The following BCL7B variants were observed in gnomAD, a reference collection of about 807,000 sequenced individuals.
BCL7B encodes BAF chromatin remodeling complex subunit BCL7B.
BCL7B carries 11 observed loss-of-function variants against 26.5 expected under a neutral mutation model. The observed-to-expected ratio is 0.42, with a 90% CI of 0.26 to 0.69. BCL7B has a LOEUF of 0.69. Ranked by LOEUF, BCL7B falls within the 30% of genes least tolerant of loss-of-function variation. The pLI, the probability that BCL7B is intolerant of heterozygous loss-of-function variation, is 0.28. For missense variants in BCL7B, 215 were observed against 264.4 expected, an observed-to-expected ratio of 0.81 and a Z score of 1.30; for synonymous variants, 111 against 107.9, an observed-to-expected ratio of 1.03 and a Z score of -0.18.
chr7:73,550,702 G>GGCT (rs1554584023), intron 2 of BCL7B, among the ~76,000 whole-genome samples: 1 of 151,010 alleles, frequency 6.6e-6, no homozygotes, highest in Non-Finnish European at 1.5e-5. Context: ...CTGTCGCCCA[G>GGCT]GCTGGAGTGC....
In BCL7B at chr7:73,537,100, G is replaced by A. The variant is rs1457467078; in HGVS notation, c.*198C>T. The A allele has an allele frequency of 1.6e-5, 8 of 490,788 alleles. No individual in the cohort carries two copies. Among genetic ancestry groups the A allele is most frequent in the South Asian group, 1.0e-4 (3 of 29,836 alleles). 30.4% of individuals were successfully genotyped at this position (490,788 alleles called of 1,614,324 possible). A position where few individuals can be genotyped will look rare whatever the true frequency, so the allele number is the denominator to read the frequency against. ...AAAAGACATGAGCGCTCCTCTTCTC[G>A]GGAGCAAGTAGACACAGGTGCCAGG... is the stretch of plus-strand genomic sequence containing the variant. On this transcript the variant is annotated 3_prime_UTR_variant, in exon 6 of 6. Transcript: ENST00000223368.
chr7:73,546,182 C>T (rs1791951136), intron 2 of BCL7B, among the ~76,000 whole-genome samples: 3 of 151,730 alleles, frequency 2.0e-5, no homozygotes, highest in Admixed American at 2.0e-4. Context: ...CTTCCGTCCT[C>T]CTCGTAGTTA....
chr7:73,551,922 C>A (rs980380118), intron 2 of BCL7B, among the ~76,000 whole-genome samples: 1 of 151,356 alleles, frequency 6.6e-6, no homozygotes. Flanking sequence ...GGTGAAACCC[C>A]GTCTCTACTA....
chr7:73,542,895 C>A (rs1055939243), intron 3 of BCL7B: 23 of 445,054 alleles, frequency 5.2e-5, no homozygotes, highest in Non-Finnish European at 9.9e-5. Context: ...GACAACATAG[C>A]CAGACTCTGT....
intron 5 of BCL7B, 75 bp from the exon 6 acceptor site, chr7:73,537,465 T>C: frequency 9.1e-7 from 1 of 1,096,174 alleles, no homozygotes; most frequent in Non-Finnish European, 1.4e-6. Flanking sequence ...CGAATTATAA[T>C]GGGATGTCCA....
At chr7:73,553,584 A>G (rs1584002139) in intron 1 of BCL7B, 1 of 152,530 alleles carries the variant, frequency 6.6e-6, no homozygotes, top group African/African-American at 2.4e-5. Flanking sequence ...GAGGCAGGAG[A>G]ATTGCTTGAA....
intron 2 of BCL7B, among the ~76,000 whole-genome samples, chr7:73,545,960 C>A (rs570625687): frequency 6.6e-6 from 1 of 152,004 alleles, no homozygotes; most frequent in South Asian, 2.1e-4. Context: ...TTTTCACCCG[C>A]CTCCACTAAA....
At position 73,549,563 on chromosome 7, in the gene BCL7B, C is replaced by T. The variant is rs190715463; in HGVS notation, c.168+2604G>A. On this transcript the variant is annotated intron_variant, in intron 2 of 5. Transcript: ENST00000223368. Reference sequence around the variant, plus strand: ...ATGGCTCATGCCTAAAATCCCACCACTTTGGGAGGCCGAGGTGGGAAGATC... The same window carrying T: ...ATGGCTCATGCCTAAAATCCCACCATTTTGGGAGGCCGAGGTGGGAAGATC... Among the ~76,000 whole-genome samples, 185 of 152,244 alleles carry T rather than the reference C, an allele frequency of 1.2e-3. 2 individuals are homozygous for T. The highest frequency in any genetic ancestry group is 2.1e-3 in the Non-Finnish European group (145 of 68,028).
chr7:73,553,031 T>C (rs1179765869), intron 1 of BCL7B, among the ~76,000 whole-genome samples: 2 of 151,586 alleles, frequency 1.3e-5, no homozygotes, highest in Non-Finnish European at 2.9e-5. Context: ...AAGCAATCCT[T>C]CCACCTCAGC....
At chr7:73,544,443 T>TA (rs1487118824) in intron 2 of BCL7B, among the ~76,000 whole-genome samples, 18 of 150,004 alleles carry the variant, frequency 1.2e-4, no homozygotes. Flanking sequence ...AAAAATAAAA[T>TA]AAATAAATAA....
chr7:73,545,032 AAC>A (rs746215727), intron 2 of BCL7B, among the ~76,000 whole-genome samples: 1 of 152,066 alleles, frequency 6.6e-6, no homozygotes, highest in Non-Finnish European at 1.5e-5. Flanking sequence ...CAACCTGGGC[AAC>A]ACAGTTAGAC....
At chr7:73,542,988 T>G in intron 3 of BCL7B, 1 of 330,236 alleles carries the variant, frequency 3.0e-6, no homozygotes, top group Non-Finnish European at 6.2e-6. Context: ...TGACATGGAG[T>G]CTGTCACTTA....
intron 1 of BCL7B, among the ~76,000 whole-genome samples, chr7:73,554,945 C>T (rs1226913815): frequency 6.6e-6 from 1 of 152,014 alleles, no homozygotes. Context: ...AATTAGTATA[C>T]AACAGGCTGT....
At chr7:73,547,183 G>A (rs958870479) in intron 2 of BCL7B, among the ~76,000 whole-genome samples, 6 of 151,366 alleles carry the variant, frequency 4.0e-5, no homozygotes, top group East Asian at 1.9e-4. Flanking sequence ...AAGCAGCTGC[G>A]TGGGTGCAGT....
chr7:73,555,583 T>C (rs1228572107), intron 1 of BCL7B, among the ~76,000 whole-genome samples: 4 of 151,926 alleles, frequency 2.6e-5, no homozygotes, highest in African/African-American at 9.7e-5. Context: ...GGAAGAAGAA[T>C]GCCAGGCGGC....
chr7:73,556,574 T>C (rs767889294), intron 1 of BCL7B, among the ~76,000 whole-genome samples: 1 of 152,186 alleles, frequency 6.6e-6, no homozygotes, highest in African/African-American at 2.4e-5. Flanking sequence ...TACACACCGA[T>C]ATAGTATGTA....
At chr7:73,541,268 T>C (rs1275158126) in intron 3 of BCL7B, among the ~76,000 whole-genome samples, 1 of 152,140 alleles carries the variant, frequency 6.6e-6, no homozygotes. Flanking sequence ...GTATCATTTG[T>C]GCTCATTCCT....
chr7:73,552,092 CAAAAA>C (rs781881434), intron 2 of BCL7B, 70 bp downstream of exon 2: 29 of 1,023,296 alleles, frequency 2.8e-5, no homozygotes, highest in Admixed American at 5.3e-5. Context: ...GACTCCGTCC[CAAAAA>C]AAAAAAAAAA....
At position 73,538,021 on chromosome 7, in the gene BCL7B, G is replaced by A. The variant is rs782086116; in HGVS notation, c.437-8C>T. ...AGGAGGGCAGGGAGGGCTCTGAAAA[G>A]GCAGTAGGGTCGGCCTGAGGGCAGG... On this transcript the variant is annotated splice_region_variant and splice_polypyrimidine_tract_variant and intron_variant, in intron 4 of 5. Coordinates refer to ENST00000223368, the MANE Select transcript of BCL7B (RefSeq NM_001707.4). 6.9e-6 allele frequency: 11 copies of A among 1,589,952 alleles called. No individual in the cohort carries two copies. The South Asian group carries it at 1.1e-4, about 16-fold the overall frequency.
Sources: gnomAD v4.1 joint callset for allele counts (sites outside exome capture counted in the v4.1 genomes callset) on GRCh38, gnomAD v4.1.1 for gene constraint, MANE v1.5 for transcripts, NCBI Gene and HGNC (gene_info 2026-07-23, HGNC 2026-07-21) for gene names.